Variants in CPAMD8 observed in about 807,000 individuals in gnomAD.
CPAMD8 encodes the protein C3 and PZP like alpha-2-macroglobulin domain containing 8, also known as C3 and PZP-like alpha-2-macroglobulin domain-containing protein 8.
Under a neutral mutation model 224.7 loss-of-function variants are expected in CPAMD8, and 146 were observed. The observed-to-expected ratio is 0.65, with a 90% CI of 0.57 to 0.75. CPAMD8 has a LOEUF of 0.75. Ranked by LOEUF, CPAMD8 falls within the 30% of genes least tolerant of loss-of-function variation. CPAMD8 has a pLI of 0.00. For synonymous variants in CPAMD8, 966 were observed against 1,044.6 expected, an observed-to-expected ratio of 0.92 and a Z score of 1.45; for missense variants, 2,301 against 2,537.5, an observed-to-expected ratio of 0.91 and a Z score of 2.00.
At chr19:16,941,140 C>T (rs1026015792) in intron 22 of CPAMD8, among the ~76,000 whole-genome samples, 6 of 152,138 alleles carry the variant, frequency 3.9e-5, no homozygotes, top group Admixed American at 1.3e-4. Context: ...ACCATGTTGG[C>T]CAGGCTGGTC....
intron 23 of CPAMD8, among the ~76,000 whole-genome samples, chr19:16,929,862 GTTC>G (rs2053494323): frequency 6.6e-6 from 1 of 152,188 alleles, no homozygotes; most frequent in South Asian, 2.1e-4. Context: ...GAACATTAGA[GTTC>G]TTCCCCAGAT....
intron 20 of CPAMD8, among the ~76,000 whole-genome samples, chr19:16,947,693 A>G (rs2054151208): frequency 7.4e-6 from 1 of 134,556 alleles, no homozygotes; most frequent in African/African-American, 2.9e-5. Flanking sequence ...ATTCATGTGC[A>G]TGTGTGTGCT....
chr19:16,941,497 A>G (rs2053888091), intron 22 of CPAMD8, among the ~76,000 whole-genome samples: 1 of 152,152 alleles, frequency 6.6e-6, no homozygotes, highest in African/African-American at 2.4e-5. Context: ...AGACAGAACC[A>G]GATCCATTCT....
At chr19:16,918,766 T>C (rs1192469724) in intron 27 of CPAMD8, among the ~76,000 whole-genome samples, 3 of 143,414 alleles carry the variant, frequency 2.1e-5, no homozygotes, top group Non-Finnish European at 4.6e-5. Context: ...TTTTTTTTTT[T>C]TCTGAATAGT....
chr19:16,990,176 C>T (rs1177845447), intron 12 of CPAMD8, among the ~76,000 whole-genome samples: 1 of 152,022 alleles, frequency 6.6e-6, no homozygotes, highest in African/African-American at 2.4e-5. Flanking sequence ...ATTGCTTGAA[C>T]CCAGGAGGCA....
rs750844102 is a variant in CPAMD8, at chr19:16,907,038, G to A, written c.3941C>T (p.Ala1314Val). Residue 1314 changes from alanine (A) to valine (V), a missense_variant, in exon 30 of 42, where the codon GCC becomes GTC. Physicochemically the swap from Ala to Val is moderately conservative, Grantham distance 64 (BLOSUM62 0). This residue lies in a region of CPAMD8 where 1,709 missense variants were observed against 1,753.2 expected (regional missense o/e 0.97). Transcript: ENST00000443236. ...APLAMDPYSCALTTYALTLLR... is the reference protein window; with the variant it reads ...APLAMDPYSCVLTTYALTLLR... Reference sequence around the variant, plus strand: ...CAGGGTCAGCGCGTAGGTAGTCAGGGCACAGCTATAAGGGTCCATGGCCAG... The same window carrying A: ...CAGGGTCAGCGCGTAGGTAGTCAGGACACAGCTATAAGGGTCCATGGCCAG... The A allele has an allele frequency of 1.2e-6, 2 of 1,610,310 alleles. No homozygotes were observed. Among genetic ancestry groups the A allele is most frequent in the Non-Finnish European group, 1.7e-6 (2 of 1,179,076 alleles).
chr19:17,018,756 A>ACACACACACACAC (rs2056877979), intron 3 of CPAMD8, among the ~76,000 whole-genome samples: 2 of 148,152 alleles, frequency 1.3e-5, no homozygotes, highest in African/African-American at 5.0e-5. Context: ...ACACACACAC[A>ACACACACACACAC]AAATTAGCCA....
intron 13 of CPAMD8, among the ~76,000 whole-genome samples, chr19:16,988,086 AC>A (rs976608277): frequency 3.4e-4 from 51 of 152,122 alleles, no homozygotes; most frequent in African/African-American, 1.2e-3. Flanking sequence ...AAAATAATAG[AC>A]CCAGGAAAAA....
intron 26 of CPAMD8, among the ~76,000 whole-genome samples, chr19:16,923,554 G>A (rs1213343941): frequency 2.6e-5 from 4 of 152,136 alleles, no homozygotes; most frequent in Middle Eastern, 3.2e-3. Context: ...CCCAAAAATG[G>A]GACCTTACTG....
rs760724259 is a variant in CPAMD8, at chr19:16,902,831, C to T, written c.4503G>A (p.Val1501=). The change falls in exon 35 of 42, where the codon GTG becomes GTA. Residue 1501 remains valine, a synonymous_variant. Transcript: ENST00000443236. ...IDVTYNVPDP[V]AKPAFQLLVS... ...CGAGCAGCTGGAAAGCTGGCTTGGC[C>T]ACCGGGTCAGGCACATTGTAGGTGA... 6.4e-7 allele frequency: 1 copy of T among 1,558,082 alleles called. No individual in the cohort carries two copies. The highest frequency in any genetic ancestry group is 8.7e-7 in the Non-Finnish European group (1 of 1,148,716).
intron 23 of CPAMD8, among the ~76,000 whole-genome samples, chr19:16,933,044 G>C (rs1302842396): frequency 6.6e-6 from 1 of 152,088 alleles, no homozygotes; most frequent in African/African-American, 2.4e-5. Context: ...CAGCATTTTG[G>C]GAGGCTGAGG....
rs564105217 is a variant in CPAMD8 at position 17,003,205 on chromosome 19, CT to C, written c.674-856del. 4.9e-4 allele frequency among the ~76,000 whole-genome samples: 72 copies of C among 146,888 alleles called. 1 individual carries two copies. The highest frequency in any genetic ancestry group is 3.5e-3 in the Middle Eastern group (1 of 286). On this transcript the variant is annotated intron_variant, in intron 8 of 41. Coordinates refer to ENST00000443236, the MANE Select transcript of CPAMD8 (RefSeq NM_015692.5). ...GACGTTAGCTGCCATGCCTGGCCAC[CT>C]TTTTTTTTTTCTGAGACAGGGTCTC...
rs375683834 is a variant in CPAMD8, at chr19:16,983,787, A to G, written c.1396-3101T>C. On this transcript the variant is annotated intron_variant, in intron 13 of 41. Transcript: ENST00000443236. ...GATTCTTAGTTATGACAAATGGATC[A>G]TAGTCTTGTAAGATGTTAGCATTAG... 2.0e-5 allele frequency among the ~76,000 whole-genome samples: 3 copies of G among 152,344 alleles called. No homozygotes were observed. The East Asian group carries it at 5.8e-4, about 29-fold the overall frequency.
In CPAMD8 at chr19:16,998,496, T is replaced by C. The variant is rs1473488041; in HGVS notation, c.868-1158A>G. Among the ~76,000 whole-genome samples the C allele has an allele frequency of 2.0e-5, 3 of 151,746 alleles. No homozygotes were observed. The East Asian group carries it at 5.8e-4, about 29-fold the overall frequency. ...TAATTAAATTAAATTAAATTAAAGA[T>C]ATCTCAGACATAAGAGAGGGGAGCC... On this transcript the variant is annotated intron_variant, in intron 10 of 41. Transcript: ENST00000443236.
chr19:17,010,100 A>G (rs2056606115), intron 5 of CPAMD8, among the ~76,000 whole-genome samples: 1 of 152,212 alleles, frequency 6.6e-6, no homozygotes, highest in African/African-American at 2.4e-5. Flanking sequence ...ATCAAATGCA[A>G]CAAATGACCC....
chr19:17,018,098 T>A (rs926557777), intron 3 of CPAMD8, among the ~76,000 whole-genome samples: 11 of 151,194 alleles, frequency 7.3e-5, no homozygotes, highest in Admixed American at 4.6e-4. Context: ...GTGGTATACC[T>A]CATACAAAAG....
intron 41 of CPAMD8, 90 bp downstream of exon 41, chr19:16,896,086 G>A: frequency 6.9e-7 from 1 of 1,454,772 alleles, no homozygotes; most frequent in Admixed American, 1.7e-5. Flanking sequence ...GGAGGAGTCG[G>A]GGCAGGTCGT....
At chr19:17,015,869 G>A (rs1398168930) in intron 3 of CPAMD8, among the ~76,000 whole-genome samples, 1 of 152,130 alleles carries the variant, frequency 6.6e-6, no homozygotes, top group Non-Finnish European at 1.5e-5. Context: ...ACCCCAAACG[G>A]CAGCCCCTAG....
chr19:16,968,919 T>C (rs1269047059), intron 18 of CPAMD8, among the ~76,000 whole-genome samples: 1 of 152,182 alleles, frequency 6.6e-6, no homozygotes, highest in Admixed American at 6.6e-5. Context: ...GTTACAGGCA[T>C]GAGCCACTGT....
Sources: gnomAD v4.1 joint callset for allele counts (sites outside exome capture counted in the v4.1 genomes callset) on GRCh38, gnomAD v4.1.1 for gene constraint, gnomAD v4.1.1 regional missense constraint, MANE v1.5 for transcripts, NCBI Gene and HGNC (gene_info 2026-07-23, HGNC 2026-07-21) for gene names.